Variants in CDH4 observed in about 807,000 individuals in gnomAD.
CDH4 encodes the protein cadherin 4, also known as cadherin-4.
In CDH4, 33 loss-of-function variants were observed where a neutral mutation model predicts 86.0. That is an observed-to-expected ratio of 0.38 (90% CI 0.29 to 0.51). The LOEUF (loss-of-function observed/expected upper bound fraction) is 0.51. Among genes scored for constraint, CDH4 ranks in the 20% least tolerant of loss-of-function variants. The pLI, the probability that CDH4 is intolerant of heterozygous loss-of-function variation, is 0.86. For missense variants in CDH4, 1,114 were observed against 1,307.4 expected (o/e 0.85, Z 2.28); for synonymous variants, 555 against 549.4 (o/e 1.01, Z -0.14).
Position 61,518,940 on chromosome 20 carries a change from T to C in CDH4, c.170-224623T>C, listed in dbSNP as rs370074882. 1.3e-5 allele frequency among the ~76,000 whole-genome samples: 2 copies of C among 151,054 alleles called. No individual in the cohort carries two copies. Among genetic ancestry groups the C allele is most frequent in the African/African-American group, 4.9e-5 (2 of 40,908 alleles). ...ATCTACCCACCTCATTCATCCATCA[T>C]TCATTCATCTATCCATCCATTATTT... On this transcript the variant is annotated intron_variant, in intron 2 of 15. Coordinates refer to ENST00000614565, the MANE Select transcript of CDH4 (RefSeq NM_001794.5). This position sits in a 1 kb window ranked among gnomAD's most constrained non-coding sequence, Gnocchi z 6.3.
chr20:61,401,223 C>A (rs1239557721), intron 2 of CDH4, among the ~76,000 whole-genome samples: 3 of 152,192 alleles, frequency 2.0e-5, no homozygotes, highest in African/African-American at 4.8e-5. Context: ...CTGTACTTTT[C>A]ACTCCAAATT....
intron 2 of CDH4, among the ~76,000 whole-genome samples, chr20:61,452,533 T>C (rs2085386676): frequency 1.3e-5 from 2 of 152,232 alleles, no homozygotes; most frequent in Non-Finnish European, 1.5e-5. Context: ...TAAATTGCTT[T>C]AGTTAATGAA....
chr20:61,410,228 G>A (rs2085109853), intron 2 of CDH4, among the ~76,000 whole-genome samples: 1 of 151,704 alleles, frequency 6.6e-6, no homozygotes, highest in African/African-American at 2.4e-5. Flanking sequence ...CTACCCATCT[G>A]CCCACCCATC....
intron 2 of CDH4, among the ~76,000 whole-genome samples, chr20:61,721,884 C>T (rs2145913701): frequency 6.6e-6 from 1 of 152,316 alleles, no homozygotes; most frequent in African/African-American, 2.4e-5. Flanking sequence ...TGTGGCATCC[C>T]TTCCCTGGCT....
intron 2 of CDH4, among the ~76,000 whole-genome samples, chr20:61,576,244 G>A (rs6142800): frequency 0.085 from 12,861 of 152,156 alleles, 718 homozygotes; most frequent in East Asian, 0.24. Flanking sequence ...GCAAGACAGC[G>A]ACGTGTCAGA....
At chr20:61,763,139 G>A (rs1050107625) in intron 3 of CDH4, among the ~76,000 whole-genome samples, 12 of 152,232 alleles carry the variant, frequency 7.9e-5, no homozygotes, top group Middle Eastern at 3.2e-3. Flanking sequence ...GCCAAAGGTC[G>A]GGGCTGCCGG....
At chr20:61,434,287 A>G (rs1015059669) in intron 2 of CDH4, among the ~76,000 whole-genome samples, 1 of 152,294 alleles carries the variant, frequency 6.6e-6, no homozygotes, top group South Asian at 2.1e-4. Flanking sequence ...AATTTAGCCC[A>G]GCTCTATGAA....
chr20:61,308,484 A>G (rs2084429184), intron 2 of CDH4, among the ~76,000 whole-genome samples: 1 of 152,126 alleles, frequency 6.6e-6, no homozygotes, highest in South Asian at 2.1e-4. Context: ...CCGACAATTA[A>G]TCTCTGTCCA....
intron 4 of CDH4, among the ~76,000 whole-genome samples, chr20:61,834,250 C>T (rs1981762830): frequency 6.6e-6 from 1 of 152,234 alleles, no homozygotes; most frequent in South Asian, 2.1e-4. Flanking sequence ...AAATGCCCTC[C>T]TTTGCTGCCC....
intron 2 of CDH4, among the ~76,000 whole-genome samples, chr20:61,621,007 T>C (rs1196240459): frequency 6.6e-6 from 1 of 152,232 alleles, no homozygotes; most frequent in Non-Finnish European, 1.5e-5. Context: ...GTCTGCAGGT[T>C]TGTGGAGATT....
At chr20:61,406,243 T>G (rs1444732426) in intron 2 of CDH4, among the ~76,000 whole-genome samples, 2 of 151,476 alleles carry the variant, frequency 1.3e-5, no homozygotes, top group African/African-American at 4.9e-5. Flanking sequence ...CACCATCTGC[T>G]CTACCCGGAC....
At chr20:61,853,467 CAG>C (rs1187962521) in intron 6 of CDH4, among the ~76,000 whole-genome samples, 1 of 152,206 alleles carries the variant, frequency 6.6e-6, no homozygotes, top group Admixed American at 6.5e-5. Context: ...CTGCTCCCCT[CAG>C]AGCTGACCCA....
At chr20:61,832,133 T>G (rs755591803) in intron 4 of CDH4, among the ~76,000 whole-genome samples, 4 of 152,154 alleles carry the variant, frequency 2.6e-5, no homozygotes, top group Non-Finnish European at 4.4e-5. Context: ...AGCCAATGAG[T>G]GTCTGCCCCA....
intron 2 of CDH4, among the ~76,000 whole-genome samples, chr20:61,715,695 T>C (rs1381083227): frequency 6.6e-6 from 1 of 152,156 alleles, no homozygotes; most frequent in Non-Finnish European, 1.5e-5. Flanking sequence ...CCACCCAGCT[T>C]TGCCGGAGTC....
In CDH4 at chr20:61,794,315, G is replaced by A. The variant is rs559101996; in HGVS notation, c.576+21133G>A. Among the ~76,000 whole-genome samples, 9 of 152,218 alleles carry A rather than the reference G, an allele frequency of 5.9e-5. No individual in the cohort carries two copies. In the South Asian group the frequency reaches 1.7e-3, roughly 28 times the overall value. On this transcript the variant is annotated intron_variant, in intron 4 of 15. Coordinates refer to ENST00000614565, the MANE Select transcript of CDH4 (RefSeq NM_001794.5). ...GAACCAATGAAGGGGAGGCAGGCCA[G>A]TAAATGATGTGTTATCAAGACACCC... is the stretch of plus-strand genomic sequence containing the variant.
chr20:61,570,862 T>C, intron 2 of CDH4: 2 of 692,070 alleles, frequency 2.9e-6, no homozygotes, highest in Non-Finnish European at 5.3e-6. Context: ...TGCGTTTGGA[T>C]GTGTAGTGGC....
At chr20:61,778,593 C>A (rs527814720) in intron 4 of CDH4, among the ~76,000 whole-genome samples, 4 of 152,136 alleles carry the variant, frequency 2.6e-5, no homozygotes, top group Admixed American at 2.6e-4. Flanking sequence ...CAGGGAGCCA[C>A]GCCTGGTGGT....
chr20:61,846,241 T>C (rs1212494703), intron 5 of CDH4, among the ~76,000 whole-genome samples: 1 of 152,220 alleles, frequency 6.6e-6, no homozygotes, highest in African/African-American at 2.4e-5. Flanking sequence ...TGGCTGGGTG[T>C]TGGGGAGACC....
intron 2 of CDH4, among the ~76,000 whole-genome samples, chr20:61,312,370 A>G (rs547908095): frequency 5.3e-5 from 8 of 151,128 alleles, no homozygotes; most frequent in African/African-American, 1.7e-4. Flanking sequence ...TGATGTATGC[A>G]TATGTGTGGC....
Sources: gnomAD v4.1 joint callset for allele counts (sites outside exome capture counted in the v4.1 genomes callset) on GRCh38, gnomAD v4.1.1 for gene constraint, Gnocchi (gnomAD v3.1) non-coding constraint, MANE v1.5 for transcripts, NCBI Gene and HGNC (gene_info 2026-07-23, HGNC 2026-07-21) for gene names.